RB1: variants seen among roughly 807,000 people sequenced by gnomAD.
RB1 encodes the protein retinoblastoma-associated protein.
Under a neutral mutation model 135.4 loss-of-function variants are expected in RB1, and 18 were observed. The ratio of observed to expected loss-of-function variants is 0.13; its 90% CI spans 0.09 to 0.20. The LOEUF is 0.20. Among genes scored for constraint, RB1 ranks in the 10% least tolerant of loss-of-function variants. RB1 has a pLI of 1.00. For missense variants in RB1, 868 were observed against 1,110.0 expected (o/e 0.78, Z 3.10); for synonymous variants, 365 against 373.2 (o/e 0.98, Z 0.25).
At chr13:48,307,965 T>C (rs1354720315) in intron 2 of RB1, among the ~76,000 whole-genome samples, 1 of 151,750 alleles carries the variant, frequency 6.6e-6, no homozygotes, top group Non-Finnish European at 1.5e-5. Context: ...ACAAGGACTT[T>C]TAAAAAAACA....
chr13:48,411,381 G>A (rs745776734), intron 17 of RB1: 1 of 1,605,780 alleles, frequency 6.2e-7, no homozygotes, highest in Non-Finnish European at 8.5e-7. Flanking sequence ...AGTCCTAATG[G>A]TTTTATTTCA....
chr13:48,344,312 G>A, intron 3 of RB1, among the ~76,000 whole-genome samples: 1 of 152,134 alleles, frequency 6.6e-6, no homozygotes, highest in East Asian at 1.9e-4. Flanking sequence ...TATGCATTTT[G>A]GTGTGTATCT....
chr13:48,439,066 A>T (rs1431682058), intron 17 of RB1, among the ~76,000 whole-genome samples: 1 of 152,190 alleles, frequency 6.6e-6, no homozygotes, highest in Non-Finnish European at 1.5e-5. Flanking sequence ...GCAAAGAAAG[A>T]GTGAAAGAGG....
At chr13:48,422,490 T>C (rs1396725124) in intron 17 of RB1, among the ~76,000 whole-genome samples, 1 of 152,190 alleles carries the variant, frequency 6.6e-6, no homozygotes, top group Non-Finnish European at 1.5e-5. Flanking sequence ...GTTCTGCACA[T>C]GTATCCCAAT....
intron 2 of RB1, chr13:48,340,940 A>G (rs1349119658): frequency 2.0e-5 from 3 of 152,346 alleles, no homozygotes; most frequent in Non-Finnish European, 4.4e-5. Flanking sequence ...TATAATTTAC[A>G]TACACAAAAT....
chr13:48,339,705 A>G (rs910363638), intron 2 of RB1, among the ~76,000 whole-genome samples: 2 of 152,186 alleles, frequency 1.3e-5, no homozygotes, highest in African/African-American at 2.4e-5. Flanking sequence ...GACAAGCCCC[A>G]GTGAGATGAA....
chr13:48,347,358 A>T (rs1393800148), intron 4 of RB1, among the ~76,000 whole-genome samples: 1 of 152,114 alleles, frequency 6.6e-6, no homozygotes, highest in Non-Finnish European at 1.5e-5. Context: ...TGATATTGCT[A>T]ATGGCTGAAA....
rs553094345 is a variant in RB1, at chr13:48,464,958, C to CTTTTTTTTTTTTTTT, written c.2212-30_2212-16dup. 382 of 832,624 alleles carry CTTTTTTTTTTTTTTT rather than the reference C, an allele frequency of 4.6e-4. 2 individuals carry two copies. The highest frequency in any genetic ancestry group is 1.7e-3 in the South Asian group (85 of 50,032). The allele number at this position is 832,624 out of a possible 1,614,324, so 51.6% of individuals were successfully genotyped here. A position where few individuals can be genotyped will look rare whatever the true frequency, so the allele number is the denominator to read the frequency against. ...AAATTCATTTAACAAGTAAATTTTACTTTTTTTTTTTTTTTTTTTTTTTTA... is the reference window on the plus strand; with the variant it reads ...AAATTCATTTAACAAGTAAATTTTACTTTTTTTTTTTTTTTTTTTTTTTTTTTTTTTTTTTTTTTA... On this transcript the variant is annotated intron_variant, in intron 21 of 26. Coordinates refer to ENST00000267163, the MANE Select transcript of RB1 (RefSeq NM_000321.3).
chr13:48,319,024 CAA>C lies in RB1; in HGVS notation c.264+11619_264+11620del. 1 of 681,492 alleles carries C rather than the reference CAA, an allele frequency of 1.5e-6. No homozygotes were observed. Among genetic ancestry groups the C allele is most frequent in the South Asian group, 1.4e-5 (1 of 70,382 alleles). 42.2% of individuals were successfully genotyped at this position (681,492 alleles called of 1,614,324 possible). A position where few individuals can be genotyped will look rare whatever the true frequency, so the allele number is the denominator to read the frequency against. On this transcript the variant is annotated intron_variant, in intron 2 of 26. Coordinates refer to ENST00000267163, the MANE Select transcript of RB1 (RefSeq NM_000321.3). This position sits in a 1 kb window ranked among gnomAD's most constrained non-coding sequence, Gnocchi z 5.0. ...CCGGCAGGGTAGTCTTGGAAATGCC[CAA>C]GATTGCTTCCGCGCGCGTCAGTTCA...
intron 17 of RB1, chr13:48,426,855 T>TG (rs1397754317): frequency 3.3e-5 from 5 of 152,258 alleles, no homozygotes; most frequent in African/African-American, 4.8e-5. Flanking sequence ...TTTAGTTGGC[T>TG]CACGGTTCTT....
At chr13:48,456,413 G>A (rs1949360798) in intron 19 of RB1, 64 bp downstream of exon 19, 13 of 1,585,210 alleles carry the variant, frequency 8.2e-6, no homozygotes, top group Non-Finnish European at 1.1e-5. Flanking sequence ...TTCAAATCAT[G>A]TTTCTTCTAC....
intron 6 of RB1, among the ~76,000 whole-genome samples, chr13:48,359,527 A>G (rs1476213914): frequency 1.4e-5 from 2 of 147,870 alleles, no homozygotes; most frequent in Non-Finnish European, 3.0e-5. Context: ...GTAATTTTAT[A>G]TAATAAATAT....
Position 48,319,584 on chromosome 13 carries a change from GGCTGCAC to G in RB1, c.264+12180_264+12186del, listed in dbSNP as rs2138053671. The G allele has an allele frequency of 4.0e-6, 1 of 247,138 alleles. No homozygotes were observed. The highest frequency in any genetic ancestry group is 2.3e-5 in the African/African-American group (1 of 43,188). 15.3% of individuals were successfully genotyped at this position (247,138 alleles called of 1,614,324 possible). A position where few individuals can be genotyped will look rare whatever the true frequency, so the allele number is the denominator to read the frequency against. ...CGTGACCCTGGACTTGAGGCTTCTG[GGCTGCAC>G]GTTCGTCTTTGCTAACCGGGGAGGT... On this transcript the variant is annotated intron_variant, in intron 2 of 26. Coordinates refer to ENST00000267163, the MANE Select transcript of RB1 (RefSeq NM_000321.3). This position sits in a 1 kb window ranked among gnomAD's most constrained non-coding sequence, Gnocchi z 5.0.
intron 18 of RB1, 40 bp downstream of exon 18, chr13:48,453,151 A>G (rs1428605411): frequency 1.3e-6 from 2 of 1,558,938 alleles, no homozygotes; most frequent in African/African-American, 2.7e-5. Flanking sequence ...TCAAACTGCA[A>G]ATAGATTTTA....
chr13:48,322,157 T>C (rs1300298117), intron 2 of RB1, among the ~76,000 whole-genome samples: 1 of 152,232 alleles, frequency 6.6e-6, no homozygotes, highest in Non-Finnish European at 1.5e-5. Flanking sequence ...CATGCAATAA[T>C]TTTCTTTCTG....
chr13:48,465,694 T>G (rs907413091), intron 23 of RB1, among the ~76,000 whole-genome samples: 32 of 150,924 alleles, frequency 2.1e-4, no homozygotes, highest in Non-Finnish European at 3.6e-4. Context: ...CAGGCCAGTG[T>G]GTGTGCGCAC....
At chr13:48,374,379 G>A (rs1157092092) in intron 12 of RB1, among the ~76,000 whole-genome samples, 1 of 152,156 alleles carries the variant, frequency 6.6e-6, no homozygotes, top group Non-Finnish European at 1.5e-5. Context: ...CATAGGGTCA[G>A]GAGACTTATT....
At chr13:48,339,998 A>C (rs971674082) in intron 2 of RB1, among the ~76,000 whole-genome samples, 1 of 152,212 alleles carries the variant, frequency 6.6e-6, no homozygotes, top group Non-Finnish European at 1.5e-5. Flanking sequence ...AAGTAGACCC[A>C]CATATATATA....
intron 6 of RB1, among the ~76,000 whole-genome samples, chr13:48,349,314 A>G (rs1206085119): frequency 6.6e-6 from 1 of 151,872 alleles, no homozygotes; most frequent in African/African-American, 2.4e-5. Flanking sequence ...AAATAATTCA[A>G]ATAAAATAAT....
Sources: gnomAD v4.1 joint callset for allele counts (sites outside exome capture counted in the v4.1 genomes callset) on GRCh38, gnomAD v4.1.1 for gene constraint, Gnocchi (gnomAD v3.1) non-coding constraint, MANE v1.5 for transcripts, NCBI Gene and HGNC (gene_info 2026-07-23, HGNC 2026-07-21) for gene names.